ANAPC1: variants seen among roughly 807,000 people sequenced by gnomAD.
The protein encoded by ANAPC1 is anaphase promoting complex subunit 1, also known as anaphase-promoting complex subunit 1.
A neutral mutation model predicts 208.0 loss-of-function variants in ANAPC1; 36 were observed. The observed-to-expected ratio is 0.17, with a 90% confidence interval of 0.13 to 0.23. The LOEUF (loss-of-function observed/expected upper bound fraction) is 0.23, where lower values mean the gene tolerates loss of function less well. ANAPC1 is among the 10% of genes least tolerant of loss of function. ANAPC1 has a pLI of 1.00. For missense variants in ANAPC1, 942 were observed against 2,011.6 expected, an observed-to-expected ratio of 0.47 and a Z score of 10.17; for synonymous variants, 378 against 695.2, an observed-to-expected ratio of 0.54 and a Z score of 7.18.
intron 29 of ANAPC1, among the ~76,000 whole-genome samples, chr2:111,808,029 T>C (rs983690211): frequency 2.7e-5 from 4 of 146,944 alleles, no homozygotes; most frequent in African/African-American, 9.8e-5. Flanking sequence ...GGTCCCAATC[T>C]TCACTGGTTC....
In ANAPC1 at chr2:111,769,226, T is replaced by C; in HGVS notation, c.*65A>G. On this transcript the variant is annotated 3_prime_UTR_variant, in exon 48 of 48. Transcript: ENST00000341068. ...AAACTTTATAAACATTGCTTTAGCT[T>C]TGATGTTTGGTCACGTTTGTTGTGC... 6.2e-7 allele frequency: 1 copy of C among 1,605,426 alleles called. No homozygotes were observed. Among genetic ancestry groups the C allele is most frequent in the Non-Finnish European group, 8.5e-7 (1 of 1,173,564 alleles).
intron 34 of ANAPC1, among the ~76,000 whole-genome samples, chr2:111,800,495 CT>C (rs1678388818): frequency 7.9e-6 from 1 of 127,388 alleles, no homozygotes; most frequent in Non-Finnish European, 1.7e-5. Flanking sequence ...AATATCAACA[CT>C]TTTTTAGAGT....
At chr2:111,772,776 C>T (rs181462487) in intron 46 of ANAPC1, among the ~76,000 whole-genome samples, 1 of 152,100 alleles carries the variant, frequency 6.6e-6, no homozygotes, top group Non-Finnish European at 1.5e-5. Flanking sequence ...CCGAAATACC[C>T]CTTGTCACAC....
intron 17 of ANAPC1, among the ~76,000 whole-genome samples, chr2:111,842,279 A>G (rs1680805399): frequency 6.6e-6 from 1 of 152,214 alleles, no homozygotes; most frequent in South Asian, 2.1e-4. Context: ...TCTAAGTAGT[A>G]TAATTATTTT....
Position 111,880,739 on chromosome 2 carries a change from C to T in ANAPC1, c.87G>A (p.Lys29=). Reference sequence around the variant, plus strand: ...GAAGGTTCAAAGCATTAGGGTGGTGCTTGCAGTGGTCTCGACCAAAAGGAA... The same window carrying T: ...GAAGGTTCAAAGCATTAGGGTGGTGTTTGCAGTGGTCTCGACCAAAAGGAA... ...EFVPFGRDHC[K]HHPNALNLQL... The change falls in exon 2 of 48, where the codon AAG becomes AAA. Residue 29 remains lysine, a synonymous_variant. Transcript: ENST00000341068. 6 of 1,613,920 alleles carry T rather than the reference C, an allele frequency of 3.7e-6. No individual in the cohort carries two copies. Among genetic ancestry groups the T allele is most frequent in the Non-Finnish European group, 5.1e-6 (6 of 1,179,870 alleles).
chr2:111,865,455 T>C (rs575208074), intron 7 of ANAPC1, among the ~76,000 whole-genome samples: 9 of 152,156 alleles, frequency 5.9e-5, no homozygotes, highest in Non-Finnish European at 1.2e-4. Flanking sequence ...GCTTTTAATC[T>C]AAAGTACCAT....
At chr2:111,804,506 CTTTTT>C (rs1183612859) in intron 30 of ANAPC1, among the ~76,000 whole-genome samples, 38 of 77,960 alleles carry the variant, frequency 4.9e-4, no homozygotes, top group African/African-American at 1.6e-3. Flanking sequence ...TGATTCTTTT[CTTTTT>C]TTTTTTTTTT....
In ANAPC1 at chr2:111,857,357, G is replaced by A. The variant is rs371216997; in HGVS notation, c.1359-471C>T. Among the ~76,000 whole-genome samples, 161 of 152,226 alleles carry A rather than the reference G, an allele frequency of 1.1e-3. 3 individuals carry two copies. In the South Asian group the frequency reaches 0.033, roughly 31 times the overall value. On this transcript the variant is annotated intron_variant, in intron 11 of 47. Coordinates refer to ENST00000341068, the MANE Select transcript of ANAPC1 (RefSeq NM_022662.4). Reference sequence around the variant, plus strand: ...CTTTTGTAACTTCCTTTAATCTATCGTATTTCAAAATATGAAGGTAAATAA... The same window carrying A: ...CTTTTGTAACTTCCTTTAATCTATCATATTTCAAAATATGAAGGTAAATAA...
chr2:111,867,035 A>G (rs1397301323), intron 7 of ANAPC1, among the ~76,000 whole-genome samples: 1 of 152,118 alleles, frequency 6.6e-6, no homozygotes, highest in East Asian at 1.9e-4. Context: ...CTCACGATGT[A>G]ATCCCAGCAC....
At chr2:111,849,158 T>A (rs900098075) in intron 14 of ANAPC1, among the ~76,000 whole-genome samples, 7 of 152,234 alleles carry the variant, frequency 4.6e-5, no homozygotes, top group Non-Finnish European at 8.8e-5. Flanking sequence ...CAGGAAAAAT[T>A]CAGCTCCGCT....
chr2:111,868,217 A>C, intron 6 of ANAPC1, 121 bp from the exon 7 acceptor site: 1 of 545,262 alleles, frequency 1.8e-6, no homozygotes, highest in Non-Finnish European at 3.2e-6. Context: ...CTATCTCAAA[A>C]TGCAATCTTC....
intron 17 of ANAPC1, among the ~76,000 whole-genome samples, chr2:111,843,131 C>A (rs574503485): frequency 5.9e-5 from 9 of 152,164 alleles, no homozygotes; most frequent in Non-Finnish European, 1.3e-4. Context: ...AAGACTATCA[C>A]TAATCCTAGC....
chr2:111,879,782 G>T (rs1305648040), intron 2 of ANAPC1, among the ~76,000 whole-genome samples: 1 of 152,076 alleles, frequency 6.6e-6, no homozygotes, highest in Non-Finnish European at 1.5e-5. Context: ...TGAGGCAGGA[G>T]AATCACTTGA....
chr2:111,788,952 C>G (rs1375103783), intron 38 of ANAPC1, among the ~76,000 whole-genome samples: 23 of 152,260 alleles, frequency 1.5e-4, no homozygotes, highest in Admixed American at 3.9e-4. Context: ...TCCTGGCTAA[C>G]ACGGTGAAAC....
At chr2:111,810,243 A>G (rs1477769125) in intron 28 of ANAPC1, among the ~76,000 whole-genome samples, 1 of 151,946 alleles carries the variant, frequency 6.6e-6, no homozygotes, top group African/African-American at 2.4e-5. Flanking sequence ...AAGGTCCAGA[A>G]AAGGCAAACC....
At position 111,796,731 on chromosome 2, in the gene ANAPC1, TA is replaced by T. The variant is rs566129407; in HGVS notation, c.4297-1838del. 9.2e-5 allele frequency among the ~76,000 whole-genome samples: 10 copies of T among 108,242 alleles called. 1 individual carries two copies. Among genetic ancestry groups the T allele is most frequent in the Admixed American group, 2.7e-4 (3 of 11,010 alleles). 71.0% of individuals were successfully genotyped at this position (108,242 alleles called of 152,430 possible). On this transcript the variant is annotated intron_variant, in intron 34 of 47. Transcript: ENST00000341068. ...GACAAGCAGTTTACAAAGTGACCTT[TA>T]AAAAAAAAATCCTCCTTTTAACGCT...
intron 2 of ANAPC1, among the ~76,000 whole-genome samples, chr2:111,879,450 G>A (rs1253260244): frequency 1.3e-5 from 2 of 152,100 alleles, no homozygotes; most frequent in Non-Finnish European, 2.9e-5. Context: ...AGAAAGAGAA[G>A]TTTCCATTTG....
At chr2:111,789,010 C>T (rs1483878115) in intron 38 of ANAPC1, among the ~76,000 whole-genome samples, 4 of 152,228 alleles carry the variant, frequency 2.6e-5, no homozygotes, top group African/African-American at 7.2e-5. Context: ...CCGTGGCGGG[C>T]GCCTATAGTC....
At chr2:111,838,062 G>A (rs1680566883) in intron 18 of ANAPC1, among the ~76,000 whole-genome samples, 2 of 125,122 alleles carry the variant, frequency 1.6e-5, no homozygotes, top group African/African-American at 5.6e-5. Context: ...TCCATCCCGG[G>A]CAACAAGAGT....
Sources: gnomAD v4.1 joint callset for allele counts (sites outside exome capture counted in the v4.1 genomes callset) on GRCh38, gnomAD v4.1.1 for gene constraint, MANE v1.5 for transcripts, NCBI Gene and HGNC (gene_info 2026-07-23, HGNC 2026-07-21) for gene names.